FAM151B: variants seen among roughly 807,000 people sequenced by gnomAD.
FAM151B encodes the protein family with sequence similarity 151 member B, also known as protein FAM151B.
FAM151B carries 24 observed loss-of-function variants against 31.2 expected under a neutral mutation model. The ratio of observed to expected loss-of-function variants is 0.77; its 90% CI spans 0.56 to 1.08. The LOEUF (loss-of-function observed/expected upper bound fraction) is 1.08. FAM151B is among the 50% of genes least tolerant of loss of function. FAM151B has a pLI of 0.00. For synonymous variants in FAM151B, 105 were observed against 111.4 expected, an observed-to-expected ratio of 0.94 and a Z score of 0.36; for missense variants, 293 against 328.6, an observed-to-expected ratio of 0.89 and a Z score of 0.84.
rs1298674161 is a variant in FAM151B, at chr5:80,506,033, G to A, written c.151+4116G>A. ...GGCCTCGCGAAGTGCTGGGATTACA[G>A]GTGTGAGCCACCACGCCCGGCCAAG... On this transcript the variant is annotated intron_variant, in intron 2 of 5. Transcript: ENST00000282226. 7.1e-6 allele frequency: 7 copies of A among 985,630 alleles called. No homozygotes were observed. The East Asian group carries it at 3.4e-4, about 48-fold the overall frequency. 61.1% of individuals were successfully genotyped at this position (985,630 alleles called of 1,614,324 possible).
intron 1 of FAM151B, chr5:80,498,768 C>T: frequency 1.8e-6 from 1 of 547,172 alleles, no homozygotes; most frequent in Non-Finnish European, 3.5e-6. Flanking sequence ...CTTAGCACCA[C>T]CACAAAGTCT....
chr5:80,502,079 T>C (rs1187133568), intron 2 of FAM151B, among the ~76,000 whole-genome samples, 162 bp downstream of exon 2: 1 of 151,976 alleles, frequency 6.6e-6, no homozygotes, highest in East Asian at 1.9e-4. Context: ...ATTTAATTAT[T>C]ATTTATTCAT....
chr5:80,541,001 A>T (rs908393153), intron 5 of FAM151B, among the ~76,000 whole-genome samples: 1 of 152,262 alleles, frequency 6.6e-6, no homozygotes, highest in South Asian at 2.1e-4. Context: ...GCATTTCCCT[A>T]GACTTGAATG....
In FAM151B at chr5:80,488,207, G is replaced by A. The variant is rs1163764403; in HGVS notation, c.25+59G>A. ...TGGGGCGCTTTGAGAGGCTCCGCCG[G>A]CCGTACCCTCCCTTTGCGGGCTCCC... On this transcript the variant is annotated intron_variant, in intron 1 of 5. Coordinates refer to ENST00000282226, the MANE Select transcript of FAM151B (RefSeq NM_205548.3). 7.9e-6 allele frequency: 12 copies of A among 1,513,698 alleles called. No individual in the cohort carries two copies. The East Asian group carries it at 2.8e-4, about 36-fold the overall frequency. The allele number at this position is 1,513,698 out of a possible 1,614,324, so 93.8% of individuals were successfully genotyped here.
At position 80,494,468 on chromosome 5, in the gene FAM151B, C is replaced by CTTTCTTTCTTTCTTTCTTTA. The variant is rs1561359207; in HGVS notation, c.25+6339_25+6340insATTTCTTTCTTTCTTTCTTT. On this transcript the variant is annotated intron_variant, in intron 1 of 5. Coordinates refer to ENST00000282226, the MANE Select transcript of FAM151B (RefSeq NM_205548.3). ...TTTTCTTTCTTTCTTTTCTTTCTTT[C>CTTTCTTTCTTTCTTTCTTTA]TTTCTTTCTTTCTTTCTTTCTTTCT... is the stretch of plus-strand genomic sequence containing the variant. Among the ~76,000 whole-genome samples, 80 of 43,628 alleles carry CTTTCTTTCTTTCTTTCTTTA rather than the reference C, an allele frequency of 1.8e-3. 2 individuals carry two copies. The highest frequency in any genetic ancestry group is 6.1e-3 in the African/African-American group (74 of 12,164). 28.6% of individuals were successfully genotyped at this position (43,628 alleles called of 152,430 possible). A position where few individuals can be genotyped will look rare whatever the true frequency, so the allele number is the denominator to read the frequency against.
chr5:80,515,208 C>T lies in FAM151B; in HGVS notation c.317+1439C>T, dbSNP rs545277735. On this transcript the variant is annotated intron_variant, in intron 3 of 5. Coordinates refer to ENST00000282226, the MANE Select transcript of FAM151B (RefSeq NM_205548.3). ...TGAGTTGAGATTGCGCCACGGCACTCCAGCCTCGGCAACAAGAGCAAAACT... is the reference window on the plus strand; with the variant it reads ...TGAGTTGAGATTGCGCCACGGCACTTCAGCCTCGGCAACAAGAGCAAAACT... 2.0e-5 allele frequency among the ~76,000 whole-genome samples: 3 copies of T among 151,992 alleles called. No homozygotes were observed. The South Asian group carries it at 6.2e-4, about 32-fold the overall frequency.
chr5:80,494,196 C>A (rs1213134112), intron 1 of FAM151B, among the ~76,000 whole-genome samples: 2 of 152,176 alleles, frequency 1.3e-5, no homozygotes, highest in African/African-American at 4.8e-5. Context: ...CAGAGTAAGG[C>A]CCTAACTCTC....
chr5:80,500,691 C>A, intron 1 of FAM151B: 3 of 798,148 alleles, frequency 3.8e-6, no homozygotes, highest in South Asian at 2.7e-5. Context: ...TTCAGTGGAA[C>A]CTTTGTGAAG....
chr5:80,529,050 G>A (rs1261360108), intron 5 of FAM151B, among the ~76,000 whole-genome samples: 1 of 152,176 alleles, frequency 6.6e-6, no homozygotes, highest in Non-Finnish European at 1.5e-5. Flanking sequence ...TGAGACCACA[G>A]TGCAATCAAA....
At chr5:80,527,012 A>G (rs1405483790) in intron 5 of FAM151B, among the ~76,000 whole-genome samples, 1 of 152,252 alleles carries the variant, frequency 6.6e-6, no homozygotes, top group African/African-American at 2.4e-5. Context: ...TAGTATTGCT[A>G]GTAGTGCCCA....
chr5:80,508,284 A>G (rs1463011212), intron 2 of FAM151B, among the ~76,000 whole-genome samples: 2 of 152,154 alleles, frequency 1.3e-5, no homozygotes, highest in Non-Finnish European at 2.9e-5. Flanking sequence ...TCTTGCTTAT[A>G]TGTCTAGGAG....
intron 5 of FAM151B, among the ~76,000 whole-genome samples, chr5:80,529,291 A>T (rs1745116221): frequency 6.6e-6 from 1 of 152,234 alleles, no homozygotes; most frequent in Admixed American, 6.5e-5. Flanking sequence ...AGCAGGAAAG[A>T]TCTAAAATTG....
chr5:80,534,912 A>C (rs573666765), intron 5 of FAM151B, among the ~76,000 whole-genome samples: 20 of 152,238 alleles, frequency 1.3e-4, no homozygotes, highest in Non-Finnish European at 2.8e-4. Flanking sequence ...GTAAAGTTGC[A>C]GGATACAAAA....
chr5:80,524,623 T>C (rs1379116023), intron 5 of FAM151B, among the ~76,000 whole-genome samples: 1 of 152,086 alleles, frequency 6.6e-6, no homozygotes, highest in Non-Finnish European at 1.5e-5. Flanking sequence ...TCTTATATTG[T>C]TTGAGATAGG....
intron 4 of FAM151B, among the ~76,000 whole-genome samples, chr5:80,521,383 C>T (rs1222334557): frequency 6.6e-6 from 1 of 152,020 alleles, no homozygotes; most frequent in Non-Finnish European, 1.5e-5. Flanking sequence ...ACCTTGGCCT[C>T]TCAAAGTGCT....
intron 1 of FAM151B, among the ~76,000 whole-genome samples, chr5:80,496,189 C>T (rs1743530223): frequency 6.6e-6 from 1 of 152,308 alleles, no homozygotes; most frequent in South Asian, 2.1e-4. Context: ...GAAGAATCCA[C>T]TGATGTCGAT....
chr5:80,501,676 A>T, intron 1 of FAM151B, 116 bp from the exon 2 acceptor site: 1 of 645,050 alleles, frequency 1.6e-6, no homozygotes, highest in Non-Finnish European at 2.6e-6. Flanking sequence ...ATCTATCTAT[A>T]TATATATATC....
chr5:80,538,459 TTTC>T (rs1561383659), intron 5 of FAM151B, among the ~76,000 whole-genome samples: 27 of 75,056 alleles, frequency 3.6e-4, no homozygotes, highest in African/African-American at 1.3e-3. Flanking sequence ...TCTTTCTTTC[TTTC>T]TTTCTTTCTT....
In FAM151B at chr5:80,488,239, T is replaced by C. The variant is rs1409395605; in HGVS notation, c.25+91T>C. On this transcript the variant is annotated intron_variant, in intron 1 of 5. Coordinates refer to ENST00000282226, the MANE Select transcript of FAM151B (RefSeq NM_205548.3). The stretch of plus-strand genomic sequence containing the variant: ...CCTCCCTTTGCGGGCTCCCGCGGTC[T>C]TCCTTGCTAGGGACCTGGGAGCGCG... 26 of 1,448,688 alleles carry C rather than the reference T, an allele frequency of 1.8e-5. No homozygotes were observed. The Admixed American group carries it at 2.6e-4, about 14-fold the overall frequency. 89.7% of individuals were successfully genotyped at this position (1,448,688 alleles called of 1,614,324 possible).
Sources: gnomAD v4.1 joint callset for allele counts (sites outside exome capture counted in the v4.1 genomes callset) on GRCh38, gnomAD v4.1.1 for gene constraint, MANE v1.5 for transcripts, NCBI Gene and HGNC (gene_info 2026-07-23, HGNC 2026-07-21) for gene names.